MICU3: variants seen among roughly 807,000 people sequenced by gnomAD.
The protein encoded by MICU3 is mitochondrial calcium uptake 3, also known as calcium uptake protein 3, mitochondrial.
In MICU3, 62 loss-of-function variants were observed where a neutral mutation model predicts 66.5. The ratio of observed to expected loss-of-function variants is 0.93; its 90% CI spans 0.76 to 1.15. The LOEUF (loss-of-function observed/expected upper bound fraction) is 1.15, where lower values mean the gene tolerates loss of function less well. Among genes scored for constraint, MICU3 ranks in the 50% most tolerant of loss-of-function variants. The pLI is 0.00. For missense variants in MICU3, 779 were observed against 664.4 expected (o/e 1.17, Z -1.90); for synonymous variants, 308 against 240.7 (o/e 1.28, Z -2.59).
intron 1 of MICU3, among the ~76,000 whole-genome samples, chr8:17,051,103 A>T (rs958124198): frequency 1.3e-5 from 2 of 152,100 alleles, no homozygotes; most frequent in African/African-American, 2.4e-5. Flanking sequence ...GTATCAGAAA[A>T]TTTTTTATTC....
intron 4 of MICU3, among the ~76,000 whole-genome samples, chr8:17,078,163 A>G (rs1339968467): frequency 2.6e-5 from 4 of 152,006 alleles, no homozygotes; most frequent in Non-Finnish European, 5.9e-5. Context: ...AACCATATCA[A>G]AAAGTATATT....
chr8:17,101,045 G>T (rs753631308), intron 9 of MICU3, among the ~76,000 whole-genome samples: 5 of 151,628 alleles, frequency 3.3e-5, no homozygotes, highest in Non-Finnish European at 5.9e-5. Context: ...ACCTCGTAGG[G>T]TTATTATCAC....
intron 9 of MICU3, 107 bp downstream of exon 9, chr8:17,098,660 T>C: frequency 2.6e-6 from 2 of 760,700 alleles, no homozygotes; most frequent in Non-Finnish European, 2.3e-6. Flanking sequence ...TGTTACATTT[T>C]CCATTGTTTT....
chr8:17,081,961 A>T (rs1221211689), intron 5 of MICU3: 1 of 334,448 alleles, frequency 3.0e-6, no homozygotes, highest in African/African-American at 2.2e-5. Context: ...ATAAATTATA[A>T]ATTTAATATT....
intron 8 of MICU3, among the ~76,000 whole-genome samples, chr8:17,093,269 G>C (rs905710720): frequency 6.6e-6 from 1 of 151,932 alleles, no homozygotes; most frequent in Admixed American, 6.6e-5. Flanking sequence ...AAGTACATTT[G>C]ACTTTGGCAT....
At chr8:17,037,301 T>C (rs189435227) in intron 1 of MICU3, among the ~76,000 whole-genome samples, 1 of 152,288 alleles carries the variant, frequency 6.6e-6, no homozygotes, top group Admixed American at 6.5e-5. Context: ...CCTCAAGTGC[T>C]GCCAAAGTGG....
intron 11 of MICU3, among the ~76,000 whole-genome samples, chr8:17,110,673 C>T (rs371878822): frequency 3.3e-5 from 5 of 152,084 alleles, no homozygotes; most frequent in African/African-American, 1.2e-4. Context: ...AAGTGATTCT[C>T]CCACCTTAGC....
chr8:17,098,791 A>C (rs1800996752), intron 9 of MICU3, among the ~76,000 whole-genome samples: 2 of 151,762 alleles, frequency 1.3e-5, no homozygotes, highest in South Asian at 4.1e-4. Flanking sequence ...AGAAATTAGA[A>C]TATATATATT....
intron 12 of MICU3, among the ~76,000 whole-genome samples, chr8:17,116,082 T>C (rs560497256): frequency 5.6e-4 from 86 of 152,346 alleles, no homozygotes; most frequent in African/African-American, 2.0e-3. Context: ...TGGTAGTTTT[T>C]GTGTGGCCCC....
chr8:17,109,339 G>C (rs1802001680), intron 11 of MICU3, among the ~76,000 whole-genome samples: 1 of 152,026 alleles, frequency 6.6e-6, no homozygotes, highest in Admixed American at 6.6e-5. Flanking sequence ...TTTACCTACA[G>C]ATTTATTCAC....
intron 3 of MICU3, among the ~76,000 whole-genome samples, chr8:17,075,938 T>C (rs1820324945): frequency 6.6e-6 from 1 of 152,162 alleles, no homozygotes; most frequent in African/African-American, 2.4e-5. Context: ...ACAGTTAAAA[T>C]GGAGAAAGAT....
chr8:17,057,163 T>A (rs1390024026), intron 1 of MICU3, among the ~76,000 whole-genome samples: 2 of 152,196 alleles, frequency 1.3e-5, no homozygotes, highest in African/African-American at 4.8e-5. Context: ...TAAGGAGATC[T>A]GGTAAGTAGC....
chr8:17,112,855 G>C (rs1415485730), intron 11 of MICU3, among the ~76,000 whole-genome samples: 1 of 152,136 alleles, frequency 6.6e-6, no homozygotes, highest in Non-Finnish European at 1.5e-5. Context: ...GCAGTGACTA[G>C]TTTTTTTGGC....
chr8:17,112,187 C>T (rs1488543736), intron 11 of MICU3, among the ~76,000 whole-genome samples: 2 of 152,128 alleles, frequency 1.3e-5, no homozygotes, highest in African/African-American at 2.4e-5. Flanking sequence ...CAGAGCCAAA[C>T]CATATCAACA....
At chr8:17,056,955 G>C (rs550292597) in intron 1 of MICU3, among the ~76,000 whole-genome samples, 2 of 152,352 alleles carry the variant, frequency 1.3e-5, no homozygotes, top group Non-Finnish European at 2.9e-5. Context: ...GCTGGCCATG[G>C]CAGAGACCAT....
intron 7 of MICU3, among the ~76,000 whole-genome samples, chr8:17,087,273 ATTG>A (rs1234710174): frequency 1.3e-5 from 2 of 151,972 alleles, no homozygotes; most frequent in African/African-American, 4.8e-5. Flanking sequence ...TTTCATCCAT[ATTG>A]TTATCTGTGA....
At chr8:17,138,415 G>T in the MICU3 span, among the ~76,000 whole-genome samples, 1 of 152,120 alleles carries the variant, frequency 6.6e-6, no homozygotes. Flanking sequence ...GGTGGACCAC[G>T]AGGAAATGAC....
intron 6 of MICU3, 145 bp downstream of exon 6, chr8:17,085,463 A>G (rs1799372955): frequency 2.4e-5 from 12 of 503,064 alleles, no homozygotes; most frequent in Non-Finnish European, 7.2e-6. Flanking sequence ...TATAATACTC[A>G]GGTACTTTGA....
At chr8:17,057,451 A>G (rs140364462) in intron 1 of MICU3, among the ~76,000 whole-genome samples, 107 of 152,340 alleles carry the variant, frequency 7.0e-4, no homozygotes, top group South Asian at 1.0e-3. Flanking sequence ...TATGAAAACA[A>G]TAATTCAAGG....
Sources: allele counts gnomAD v4.1 joint callset (sites outside exome capture counted in the v4.1 genomes callset), GRCh38; gene constraint gnomAD v4.1.1; transcripts MANE v1.5; gene names NCBI Gene and HGNC (gene_info 2026-07-23, HGNC 2026-07-21).